CSMD1: variants seen among roughly 807,000 people sequenced by gnomAD.
CSMD1 encodes the protein CUB and Sushi multiple domains 1.
A neutral mutation model predicts 417.5 loss-of-function variants in CSMD1; 213 were observed. That is an observed-to-expected ratio of 0.51 (90% CI 0.46 to 0.57). The LOEUF (loss-of-function observed/expected upper bound fraction) is 0.57, where lower values mean the gene tolerates loss of function less well. CSMD1 is among the 20% of genes least tolerant of loss of function. The pLI, the probability that CSMD1 is intolerant of heterozygous loss-of-function variation, is 0.00. For missense variants in CSMD1, 6,923 were observed against 4,529.7 expected (o/e 1.53, Z -15.17); for synonymous variants, 2,862 against 1,736.8 (o/e 1.65, Z -16.11).
intron 5 of CSMD1, among the ~76,000 whole-genome samples, chr8:3,776,807 G>GATATATATATATATATATATATAT (rs151060171): frequency 0.017 from 2,355 of 139,324 alleles, 73 homozygotes; most frequent in African/African-American, 0.024. Context: ...ATATAGACGA[G>GATATATATATATATATATATATAT]ATATATATAT....
chr8:4,006,450 C>A (rs533562741), intron 4 of CSMD1, among the ~76,000 whole-genome samples: 1 of 151,966 alleles, frequency 6.6e-6, no homozygotes, highest in Non-Finnish European at 1.5e-5. Context: ...AGGCTGAGGC[C>A]GAAGAATCGC....
intron 5 of CSMD1, among the ~76,000 whole-genome samples, chr8:3,897,948 C>T (rs928195643): frequency 6.6e-6 from 1 of 152,116 alleles, no homozygotes; most frequent in Non-Finnish European, 1.5e-5. Context: ...ATATAATCAC[C>T]AAATGAAGAC....
intron 5 of CSMD1, among the ~76,000 whole-genome samples, chr8:3,939,751 G>C (rs1010473486): frequency 9.2e-5 from 14 of 152,126 alleles, no homozygotes; most frequent in Non-Finnish European, 1.5e-4. Context: ...ATTAGTCTAA[G>C]TGCAGTCACT....
intron 1 of CSMD1, among the ~76,000 whole-genome samples, chr8:4,780,627 G>A (rs933888894): frequency 6.6e-6 from 1 of 152,100 alleles, no homozygotes; most frequent in Admixed American, 6.6e-5. Flanking sequence ...ACATGAACAA[G>A]TTATTTAGTA....
intron 26 of CSMD1, among the ~76,000 whole-genome samples, chr8:3,251,678 G>C (rs1170954486): frequency 6.6e-6 from 1 of 152,134 alleles, no homozygotes; most frequent in Admixed American, 6.5e-5. Context: ...TCACAATATT[G>C]ATTCTTCCTA....
At chr8:3,644,567 T>C (rs1797479463) in intron 7 of CSMD1, among the ~76,000 whole-genome samples, 1 of 152,112 alleles carries the variant, frequency 6.6e-6, no homozygotes, top group South Asian at 2.1e-4. Flanking sequence ...GGTAGGAGAT[T>C]GAATCTGAAG....
chr8:3,644,571 T>G (rs1309267253), intron 7 of CSMD1, among the ~76,000 whole-genome samples: 3 of 152,048 alleles, frequency 2.0e-5, no homozygotes, highest in African/African-American at 7.2e-5. Context: ...GGAGATTGAA[T>G]CTGAAGGATT....
chr8:3,698,449 G>A (rs763050445), intron 7 of CSMD1, among the ~76,000 whole-genome samples: 16 of 152,212 alleles, frequency 1.1e-4, no homozygotes, highest in African/African-American at 3.9e-4. Flanking sequence ...GGTTAATGGC[G>A]CTATTATTTT....
intron 37 of CSMD1, among the ~76,000 whole-genome samples, chr8:3,179,348 A>C (rs1459404466): frequency 6.6e-6 from 1 of 152,224 alleles, no homozygotes; most frequent in African/African-American, 2.4e-5. Flanking sequence ...TAGTATAAAA[A>C]ACAACCACTT....
intron 5 of CSMD1, among the ~76,000 whole-genome samples, chr8:3,889,866 G>T (rs766023072): frequency 6.6e-5 from 10 of 151,888 alleles, no homozygotes; most frequent in Admixed American, 1.3e-4. Flanking sequence ...TATTACCAAA[G>T]GTCAAAGGCA....
chr8:3,901,179 C>T (rs1274081029), intron 5 of CSMD1, among the ~76,000 whole-genome samples: 1 of 152,132 alleles, frequency 6.6e-6, no homozygotes, highest in African/African-American at 2.4e-5. Context: ...CATGCAAAAG[C>T]AGAGAATTTA....
chr8:3,713,341 G>C (rs947269538), intron 6 of CSMD1, among the ~76,000 whole-genome samples: 3 of 152,270 alleles, frequency 2.0e-5, no homozygotes, highest in African/African-American at 4.8e-5. Flanking sequence ...AATGGCAGTG[G>C]ATTCTTATTA....
chr8:4,168,709 C>G (rs1346434780), intron 3 of CSMD1, among the ~76,000 whole-genome samples: 3 of 152,022 alleles, frequency 2.0e-5, no homozygotes, highest in Non-Finnish European at 4.4e-5. Flanking sequence ...TTTTAAAACA[C>G]AAAAAAAGAA....
intron 2 of CSMD1, among the ~76,000 whole-genome samples, chr8:4,454,714 C>T (rs573418823): frequency 3.9e-5 from 6 of 152,030 alleles, no homozygotes; most frequent in Non-Finnish European, 7.4e-5. Flanking sequence ...CTGAAACTTT[C>T]GGTAAGTAAA....
intron 3 of CSMD1, among the ~76,000 whole-genome samples, chr8:4,100,680 T>C (rs904003269): frequency 2.6e-5 from 4 of 152,138 alleles, no homozygotes; most frequent in African/African-American, 9.7e-5. Context: ...GAAATTGCCA[T>C]TCATACTGGG....
At chr8:4,228,789 T>C (rs1468411690) in intron 3 of CSMD1, among the ~76,000 whole-genome samples, 2 of 152,066 alleles carry the variant, frequency 1.3e-5, no homozygotes, top group Non-Finnish European at 2.9e-5. Flanking sequence ...GTTCAAAAGA[T>C]TCTCCTGCTT....
At chr8:4,215,412 T>C (rs974867963) in intron 3 of CSMD1, among the ~76,000 whole-genome samples, 3 of 152,176 alleles carry the variant, frequency 2.0e-5, no homozygotes, top group Non-Finnish European at 4.4e-5. Flanking sequence ...AGATACCATG[T>C]CTGAATCATT....
chr8:4,086,399 A>C (rs1800421414), intron 3 of CSMD1, among the ~76,000 whole-genome samples: 1 of 152,222 alleles, frequency 6.6e-6, no homozygotes, highest in Non-Finnish European at 1.5e-5. Flanking sequence ...ACAGGCAGAC[A>C]GACTTGTAAA....
At chr8:3,104,193 T>G (rs754411319) in intron 46 of CSMD1, among the ~76,000 whole-genome samples, 68 of 152,160 alleles carry the variant, frequency 4.5e-4, no homozygotes, top group Admixed American at 1.1e-3. Flanking sequence ...AATGTGAAGG[T>G]TTGCCTGGGT....
Sources: gnomAD v4.1 joint callset for allele counts (sites outside exome capture counted in the v4.1 genomes callset) on GRCh38, gnomAD v4.1.1 for gene constraint, MANE v1.5 for transcripts, NCBI Gene and HGNC (gene_info 2026-07-23, HGNC 2026-07-21) for gene names.